Variants in MSTO1 observed in about 807,000 individuals in gnomAD.
MSTO1 encodes the protein protein misato homolog 1.
A neutral mutation model predicts 55.7 loss-of-function variants in MSTO1; 24 were observed. The observed-to-expected ratio is 0.43, with a 90% CI of 0.31 to 0.61. MSTO1 has a LOEUF of 0.61. Ranked by LOEUF, MSTO1 falls within the 20% of genes least tolerant of loss-of-function variation. MSTO1 has a pLI of 0.09. For missense variants in MSTO1, 363 were observed against 625.7 expected (o/e 0.58, Z 4.48); for synonymous variants, 162 against 252.8 (o/e 0.64, Z 3.41).
At chr1:155,607,168 AATT>A (rs1416633259), upstream of MSTO1, among the ~76,000 whole-genome samples, 1 of 150,556 alleles carries the variant, frequency 6.6e-6, no homozygotes, top group Non-Finnish European at 1.5e-5. Context: ...AACATAAATG[AATT>A]TAGGTTTTTT....
the MSTO1 span, among the ~76,000 whole-genome samples, chr1:155,600,722 A>G: frequency 1.3e-5 from 2 of 151,864 alleles, no homozygotes; most frequent in Non-Finnish European, 2.9e-5. Context: ...TAATTTCTGT[A>G]TTTTTAGTAT....
At chr1:155,566,915 A>G in the MSTO1 span, among the ~76,000 whole-genome samples, 1 of 151,550 alleles carries the variant, frequency 6.6e-6, no homozygotes, top group Non-Finnish European at 1.5e-5. Flanking sequence ...ACACCCGGCC[A>G]GGTTAAAATA....
the MSTO1 span, chr1:155,602,320 T>C: frequency 3.9e-6 from 1 of 257,338 alleles, no homozygotes; most frequent in South Asian, 4.0e-5. Context: ...CTACTAAAAA[T>C]ACAAAATTAG....
At chr1:155,599,436 G>A in the MSTO1 span, among the ~76,000 whole-genome samples, 1 of 152,034 alleles carries the variant, frequency 6.6e-6, no homozygotes, top group Admixed American at 6.6e-5. Context: ...TTTGCCATCG[G>A]TTAACAATTC....
At position 155,612,166 on chromosome 1, in the gene MSTO1, A is replaced by T; in HGVS notation, c.679-16A>T. ...CTCATCCTGCTAACTATCTTTTGTC[A>T]CTCACCCCCGTCCAGGGCTTCCAGA... On this transcript the variant is annotated splice_polypyrimidine_tract_variant and intron_variant, in intron 7 of 13. Coordinates refer to ENST00000245564, the MANE Select transcript of MSTO1 (RefSeq NM_018116.4). 1 of 1,613,292 alleles carries T rather than the reference A, an allele frequency of 6.2e-7. No individual in the cohort carries two copies.
At chr1:155,593,300 T>G in the MSTO1 span, among the ~76,000 whole-genome samples, 2 of 152,224 alleles carry the variant, frequency 1.3e-5, no homozygotes, top group Non-Finnish European at 2.9e-5. Context: ...GACTAAGTAC[T>G]TATAGTGTGT....
chr1:155,597,659 G>A, the MSTO1 span, among the ~76,000 whole-genome samples: 3 of 151,212 alleles, frequency 2.0e-5, no homozygotes, highest in Admixed American at 6.6e-5. Context: ...ACAGATATGC[G>A]CCACCACGCC....
chr1:155,591,319 C>A, the MSTO1 span: 1 of 1,307,882 alleles, frequency 7.6e-7, no homozygotes, highest in Admixed American at 2.3e-5. Context: ...TAGGCCAAGT[C>A]GACACTTAAT....
At chr1:155,579,021 G>GA in the MSTO1 span, among the ~76,000 whole-genome samples, 1 of 151,320 alleles carries the variant, frequency 6.6e-6, no homozygotes, top group Non-Finnish European at 1.5e-5. Context: ...TAAAACCCAA[G>GA]AGGAGGCCAG....
At chr1:155,601,781 G>A in the MSTO1 span, among the ~76,000 whole-genome samples, 1 of 151,904 alleles carries the variant, frequency 6.6e-6, no homozygotes, top group Admixed American at 6.6e-5. Flanking sequence ...TTGAGACGGA[G>A]TCTCACTCTG....
chr1:155,574,870 CTTT>C, the MSTO1 span, among the ~76,000 whole-genome samples: 3 of 126,226 alleles, frequency 2.4e-5, no homozygotes, highest in East Asian at 4.5e-4. Context: ...AGAACTTTTT[CTTT>C]TTTTTTTTTT....
chr1:155,613,059 C>T lies in MSTO1; in HGVS notation c.1109C>T (p.Ala370Val). The change falls in exon 11 of 14, where the codon GCA (alanine) becomes GTA (valine). Residue 370 changes from alanine (A) to valine (V), a missense_variant. By Grantham distance (64) the Ala-to-Val change is moderately conservative. Around this residue, in one of 3 missense-constraint regions of MSTO1, gnomAD observed 231 missense variants for 286.9 expected, o/e 0.81. Transcript: ENST00000245564. ...LSFCGKKVVT[A>V]GAIIPFPLAP... ...CTTCCATCTCTTTAGGTGGTGACAG[C>T]AGGAGCAATCATCCCTTTCCCCTTG... The T allele has an allele frequency of 6.2e-7, 1 of 1,613,668 alleles. No homozygotes were observed. The highest frequency in any genetic ancestry group is 1.3e-5 in the African/African-American group (1 of 75,038).
At chr1:155,609,686 C>G (rs544438381), upstream of MSTO1, 1 of 154,176 alleles carries the variant, frequency 6.5e-6, no homozygotes, top group East Asian at 1.9e-4. Context: ...CAGATACATA[C>G]TCTCTTTACA....
the MSTO1 span, among the ~76,000 whole-genome samples, chr1:155,580,228 G>GAA: frequency 5.7e-5 from 7 of 123,352 alleles, no homozygotes; most frequent in Admixed American, 8.3e-5. Context: ...CTGACTCTAA[G>GAA]AAAAAAAAAA....
the MSTO1 span, among the ~76,000 whole-genome samples, chr1:155,588,153 G>A: frequency 6.7e-6 from 1 of 149,470 alleles, no homozygotes; most frequent in African/African-American, 2.5e-5. Flanking sequence ...AGGTTGCAGT[G>A]AGCCGTGACT....
chr1:155,598,956 T>G, the MSTO1 span: 1 of 1,170,992 alleles, frequency 8.5e-7, no homozygotes, highest in Non-Finnish European at 1.3e-6. Context: ...TTAGGTTCAG[T>G]TATCTTGTTA....
chr1:155,567,140 T>TC, the MSTO1 span, among the ~76,000 whole-genome samples: 1 of 151,618 alleles, frequency 6.6e-6, no homozygotes, highest in Non-Finnish European at 1.5e-5. Flanking sequence ...TTTTTTTTTT[T>TC]CCCCACAGAG....
chr1:155,606,541 C>T (rs548768626), upstream of MSTO1, among the ~76,000 whole-genome samples: 6 of 151,816 alleles, frequency 4.0e-5, no homozygotes, highest in South Asian at 2.1e-4. Context: ...ACCACAGGCG[C>T]GTGCCACCAC....
chr1:155,606,873 C>T (rs756501533), upstream of MSTO1, among the ~76,000 whole-genome samples: 6 of 151,980 alleles, frequency 3.9e-5, no homozygotes, highest in Admixed American at 1.3e-4. Context: ...CTCCATCTGT[C>T]GCACAGGCTG....
Sources: allele counts gnomAD v4.1 joint callset (sites outside exome capture counted in the v4.1 genomes callset), GRCh38; gene constraint gnomAD v4.1.1; regional missense constraint gnomAD v4.1.1; transcripts MANE v1.5; gene names NCBI Gene and HGNC (gene_info 2026-07-23, HGNC 2026-07-21).